Variants in SORBS2 observed in about 807,000 individuals in gnomAD.
SORBS2 encodes the protein sorbin and SH3 domain containing 2.
A neutral mutation model predicts 97.7 loss-of-function variants in SORBS2; 46 were observed. The ratio of observed to expected loss-of-function variants is 0.47; its 90% CI spans 0.37 to 0.60. The LOEUF (loss-of-function observed/expected upper bound fraction) is 0.60, where lower values mean the gene tolerates loss of function less well. Among genes scored for constraint, SORBS2 ranks in the 20% least tolerant of loss-of-function variants. The pLI is 0.00. For missense variants in SORBS2, 1,316 were observed against 1,282.3 expected (o/e 1.03, Z -0.40); for synonymous variants, 476 against 473.4 (o/e 1.01, Z -0.07).
At chr4:185,872,244 C>A (rs569787347) in intron 1 of SORBS2, among the ~76,000 whole-genome samples, 1 of 152,120 alleles carries the variant, frequency 6.6e-6, no homozygotes, top group Non-Finnish European at 1.5e-5. Context: ...TTATCAGAGG[C>A]GTGTAACATA....
chr4:185,850,688 A>T (rs1272623222), intron 1 of SORBS2, among the ~76,000 whole-genome samples: 1 of 152,228 alleles, frequency 6.6e-6, no homozygotes, highest in African/African-American at 2.4e-5. Flanking sequence ...GGGTTGAAAT[A>T]TGCTTAAGAG....
chr4:185,697,846 C>A (rs1308063802), intron 2 of SORBS2, among the ~76,000 whole-genome samples: 2 of 152,062 alleles, frequency 1.3e-5, no homozygotes, highest in African/African-American at 4.8e-5. Flanking sequence ...TTTAAAGAAC[C>A]ATTTTTTAAA....
At chr4:185,841,326 G>C (rs1337181988) in intron 1 of SORBS2, among the ~76,000 whole-genome samples, 1 of 152,178 alleles carries the variant, frequency 6.6e-6, no homozygotes, top group African/African-American at 2.4e-5. Flanking sequence ...AGGTTGGGGG[G>C]AGATTAGTGG....
chr4:185,864,633 G>A (rs1869623), intron 1 of SORBS2, among the ~76,000 whole-genome samples: 69,712 of 151,996 alleles, frequency 0.46, 16,485 homozygotes, highest in African/African-American at 0.53. Context: ...CTGAACGGCC[G>A]GGTGCGGTGG....
At chr4:185,651,321 A>T (rs1223354982) in intron 2 of SORBS2, among the ~76,000 whole-genome samples, 2 of 152,252 alleles carry the variant, frequency 1.3e-5, no homozygotes, top group Non-Finnish European at 2.9e-5. Context: ...GGCCCCGCCA[A>T]GGGGGATTTT....
rs1000941834 is a variant in SORBS2 at position 185,847,030 on chromosome 4, G to A, written c.-337-71664C>T. 5.3e-5 allele frequency among the ~76,000 whole-genome samples: 8 copies of A among 152,096 alleles called. No individual in the cohort carries two copies. In the East Asian group the frequency reaches 5.8e-4, roughly 11 times the overall value. Reference sequence around the variant, plus strand: ...CTCCCTGGGGATTCTTTGGTGTGGCGGGAGTGGCGATAGAGACAAGATTTT... The same window carrying A: ...CTCCCTGGGGATTCTTTGGTGTGGCAGGAGTGGCGATAGAGACAAGATTTT... On this transcript the variant is annotated intron_variant, in intron 1 of 20. Transcript: ENST00000284776.
intron 12 of SORBS2, among the ~76,000 whole-genome samples, chr4:185,611,079 C>A (rs920917911): frequency 4.6e-5 from 7 of 152,032 alleles, no homozygotes; most frequent in African/African-American, 1.7e-4. Flanking sequence ...ATCTTTAGCC[C>A]GCTCAAGTGA....
At chr4:185,587,140 A>C (rs2153347509) in exon 15 of SORBS2, 1 of 165,782 alleles carries the variant, frequency 6.0e-6, no homozygotes, top group Non-Finnish European at 1.3e-5. Flanking sequence ...AAACCAAGAC[A>C]CTAGGCAAAC....
chr4:185,946,419 AAT>A (rs2099274593), intron 1 of SORBS2, among the ~76,000 whole-genome samples: 1 of 152,244 alleles, frequency 6.6e-6, no homozygotes, highest in Non-Finnish European at 1.5e-5. Context: ...CAAGCCTACA[AAT>A]ATGTTTTGTA....
chr4:185,677,124 G>T, intron 4 of SORBS2: 1 of 1,551,688 alleles, frequency 6.4e-7, no homozygotes, highest in Non-Finnish European at 8.7e-7. Flanking sequence ...ATCCTGTCCT[G>T]AAAGGGGAGC....
intron 4 of SORBS2, 48 bp from the exon 16 acceptor site, chr4:185,635,459 G>A (rs940763352): frequency 4.2e-6 from 6 of 1,416,208 alleles, no homozygotes; most frequent in Non-Finnish European, 4.0e-6. Flanking sequence ...ATGGAATGGA[G>A]GAGAGTCAAT....
At chr4:185,651,864 A>T in intron 2 of SORBS2, 36 bp from the exon 11 acceptor site, 1 of 1,028,928 alleles carries the variant, frequency 9.7e-7, no homozygotes, top group Non-Finnish European at 1.5e-6. Context: ...GGTAATATAG[A>T]TTGTCACCAA....
At chr4:185,908,323 T>TATATATA (rs1579431419) in intron 1 of SORBS2, among the ~76,000 whole-genome samples, 5 of 103,676 alleles carry the variant, frequency 4.8e-5, no homozygotes, top group Non-Finnish European at 4.3e-5. Context: ...ATATATATAT[T>TATATATA]TGTATACACA....
intron 1 of SORBS2, among the ~76,000 whole-genome samples, chr4:185,931,019 A>G (rs2099266164): frequency 6.6e-6 from 1 of 150,864 alleles, no homozygotes; most frequent in African/African-American, 2.4e-5. Context: ...TAAATGAAGA[A>G]AACACATGAA....
intron 7 of SORBS2, 46 bp downstream of exon 19, chr4:185,622,868 G>T (rs774855613): frequency 1.3e-6 from 2 of 1,510,756 alleles, no homozygotes; most frequent in South Asian, 2.6e-5. Context: ...AGAGCTGGAG[G>T]GTGGGTCTCT....
At chr4:185,708,488 G>A (rs1291174869) in intron 2 of SORBS2, among the ~76,000 whole-genome samples, 1 of 152,196 alleles carries the variant, frequency 6.6e-6, no homozygotes, top group Non-Finnish European at 1.5e-5. Flanking sequence ...TGAGCCATCA[G>A]ATTGGATGAG....
At chr4:185,683,268 A>G (rs1234925657) in intron 2 of SORBS2, among the ~76,000 whole-genome samples, 4 of 152,086 alleles carry the variant, frequency 2.6e-5, no homozygotes, top group African/African-American at 9.7e-5. Flanking sequence ...CGAAGCATTA[A>G]ATCTTTTCTA....
intron 1 of SORBS2, among the ~76,000 whole-genome samples, chr4:185,918,884 A>G (rs1029347082): frequency 2.0e-5 from 3 of 152,254 alleles, no homozygotes; most frequent in African/African-American, 7.2e-5. Context: ...CACCCAGTAC[A>G]TCACAATGGA....
intron 4 of SORBS2, among the ~76,000 whole-genome samples, chr4:185,631,332 TAGTA>T: frequency 6.6e-6 from 1 of 152,352 alleles, no homozygotes; most frequent in East Asian, 1.9e-4. Context: ...CTGAAATAGA[TAGTA>T]AGCAAAAATG....
Sources: gnomAD v4.1 joint callset for allele counts (sites outside exome capture counted in the v4.1 genomes callset) on GRCh38, gnomAD v4.1.1 for gene constraint, MANE v1.5 for transcripts, NCBI Gene and HGNC (gene_info 2026-07-23, HGNC 2026-07-21) for gene names.